ADARB2: variants seen among roughly 807,000 people sequenced by gnomAD.
ADARB2 encodes the protein adenosine deaminase RNA specific B2 (inactive).
Under a neutral mutation model 62.2 loss-of-function variants are expected in ADARB2, and 25 were observed. The observed-to-expected ratio is 0.40, with a 90% CI of 0.29 to 0.56. ADARB2 has a LOEUF of 0.56. ADARB2 is among the 20% of genes least tolerant of loss of function. ADARB2 has a pLI of 0.43. For missense variants in ADARB2, 1,071 were observed against 1,077.4 expected (o/e 0.99, Z 0.08); for synonymous variants, 572 against 500.8 (o/e 1.14, Z -1.90).
intron 1 of ADARB2, among the ~76,000 whole-genome samples, chr10:1,525,430 C>T (rs1832128026): frequency 6.6e-6 from 1 of 152,168 alleles, no homozygotes; most frequent in Admixed American, 6.5e-5. Context: ...CCACATTCTT[C>T]TCTAATTTTT....
intron 3 of ADARB2, among the ~76,000 whole-genome samples, chr10:1,307,424 G>T (rs946959926): frequency 5.6e-5 from 8 of 142,314 alleles, no homozygotes; most frequent in Non-Finnish European, 1.1e-4. Context: ...AAAAAGTCAG[G>T]AAACAACAGG....
intron 1 of ADARB2, among the ~76,000 whole-genome samples, chr10:1,404,087 G>A (rs1832686648): frequency 6.6e-6 from 1 of 152,230 alleles, no homozygotes; most frequent in African/African-American, 2.4e-5. Flanking sequence ...GAAAGCTCTA[G>A]GCCAACAAAG....
At chr10:1,366,388 C>T (rs1832313843) in intron 2 of ADARB2, among the ~76,000 whole-genome samples, 1 of 152,172 alleles carries the variant, frequency 6.6e-6, no homozygotes, top group Non-Finnish European at 1.5e-5. Context: ...TCCATACTAC[C>T]CTCGCTGGTG....
rs548262849 is a variant in ADARB2 at position 1,513,404 on chromosome 10, G to C, written c.101-134244C>G. On this transcript the variant is annotated intron_variant, in intron 1 of 9. Transcript: ENST00000381312. ...CTGAAGCCGGCAGCGCCCTGCAGCC[G>C]ACTCTGGCAGGAGGGCACTCTGGAG... Among the ~76,000 whole-genome samples the C allele has an allele frequency of 2.0e-5, 3 of 152,306 alleles. No individual in the cohort carries two copies. The East Asian group carries it at 5.8e-4, about 29-fold the overall frequency.
intron 3 of ADARB2, among the ~76,000 whole-genome samples, chr10:1,312,608 C>T (rs1831702280): frequency 6.6e-6 from 1 of 152,238 alleles, no homozygotes; most frequent in African/African-American, 2.4e-5. Context: ...GCACATCTCC[C>T]TTTGGCTGTC....
intron 5 of ADARB2, among the ~76,000 whole-genome samples, chr10:1,241,819 TG>T (rs1830927389): frequency 6.6e-6 from 1 of 151,938 alleles, no homozygotes; most frequent in South Asian, 2.1e-4. Context: ...TGCAGGAATG[TG>T]GGGGGCATGG....
At chr10:1,327,251 T>G (rs1164089573) in intron 3 of ADARB2, among the ~76,000 whole-genome samples, 10 of 72,458 alleles carry the variant, frequency 1.4e-4, no homozygotes, top group Non-Finnish European at 1.6e-4. Flanking sequence ...ACCTCCTCAC[T>G]GCCCAGCGCC....
Position 1,549,859 on chromosome 10 carries a change from T to A in ADARB2, c.101-170699A>T, listed in dbSNP as rs556161564. On this transcript the variant is annotated intron_variant, in intron 1 of 9. Transcript: ENST00000381312. ...CGGAGAGACGGCAGCCAGGAGAGCC[T>A]CTCACCCCCTCTCCTGGGTGCTGGG... 5.3e-5 allele frequency among the ~76,000 whole-genome samples: 8 copies of A among 152,130 alleles called. No homozygotes were observed. In the East Asian group the frequency reaches 1.6e-3, roughly 30 times the overall value.
chr10:1,600,860 C>A (rs1320611362), intron 1 of ADARB2, among the ~76,000 whole-genome samples: 1 of 152,070 alleles, frequency 6.6e-6, no homozygotes, highest in Non-Finnish European at 1.5e-5. Context: ...GATGCTAAAT[C>A]CCTCCTCCCA....
chr10:1,732,354 G>A (rs185428946), intron 1 of ADARB2, among the ~76,000 whole-genome samples: 26 of 147,836 alleles, frequency 1.8e-4, no homozygotes, highest in Non-Finnish European at 2.4e-4. Context: ...GTTTCCTTAC[G>A]TAATGCGCTT....
At chr10:1,322,292 A>G (rs1831802637) in intron 3 of ADARB2, among the ~76,000 whole-genome samples, 1 of 152,214 alleles carries the variant, frequency 6.6e-6, no homozygotes, top group East Asian at 1.9e-4. Context: ...AAAACTCAGT[A>G]TAGGATGGAA....
At chr10:1,556,011 A>T (rs1452846325) in intron 1 of ADARB2, among the ~76,000 whole-genome samples, 1 of 152,238 alleles carries the variant, frequency 6.6e-6, no homozygotes, top group South Asian at 2.1e-4. Context: ...ACATTTGAAC[A>T]TAAGAAATTG....
chr10:1,387,013 T>C (rs1257142836), intron 1 of ADARB2, among the ~76,000 whole-genome samples: 2 of 151,924 alleles, frequency 1.3e-5, no homozygotes, highest in African/African-American at 4.8e-5. Context: ...CCATTGTAAG[T>C]GACCCAAGAG....
intron 1 of ADARB2, among the ~76,000 whole-genome samples, chr10:1,639,020 G>A (rs1180329451): frequency 6.6e-6 from 1 of 152,206 alleles, no homozygotes; most frequent in Non-Finnish European, 1.5e-5. Flanking sequence ...AGATCATCAG[G>A]GCCATACCCT....
chr10:1,187,910 C>T (rs1836783661), intron 8 of ADARB2: 1 of 366,140 alleles, frequency 2.7e-6, no homozygotes, highest in African/African-American at 2.1e-5. Context: ...TAAATAACAT[C>T]TCAGCTCACC....
At chr10:1,204,069 C>T (rs1422288482) in intron 7 of ADARB2, among the ~76,000 whole-genome samples, 2 of 152,122 alleles carry the variant, frequency 1.3e-5, no homozygotes, top group Non-Finnish European at 2.9e-5. Context: ...GCACAGGGGA[C>T]AGTTGAATCT....
chr10:1,384,954 A>G (rs1163193762), intron 1 of ADARB2, among the ~76,000 whole-genome samples: 1 of 152,216 alleles, frequency 6.6e-6, no homozygotes, highest in Admixed American at 6.5e-5. Context: ...AGGCGGAGTC[A>G]TAGATCACTG....
intron 1 of ADARB2, among the ~76,000 whole-genome samples, chr10:1,447,188 C>T (rs1442380482): frequency 6.6e-6 from 1 of 152,214 alleles, no homozygotes; most frequent in African/African-American, 2.4e-5. Context: ...CGTGGAATGG[C>T]TTAGAGCAGC....
At chr10:1,254,072 GTGGTTAGGATGCCGCGGTCTC>G (rs1261899656) in intron 4 of ADARB2, among the ~76,000 whole-genome samples, 1 of 151,922 alleles carries the variant, frequency 6.6e-6, no homozygotes, top group Admixed American at 6.6e-5. Context: ...TGGTTAGGAT[GTGGTTAGGATGCCGCGGTCTC>G]TGGTTAGGAT....
Sources: gnomAD v4.1 joint callset for allele counts (sites outside exome capture counted in the v4.1 genomes callset) on GRCh38, gnomAD v4.1.1 for gene constraint, MANE v1.5 for transcripts, NCBI Gene and HGNC (gene_info 2026-07-23, HGNC 2026-07-21) for gene names.